The following ALDH1L2 variants were observed in gnomAD, a reference collection of about 807,000 sequenced individuals.
ALDH1L2 encodes the protein mitochondrial 10-formyltetrahydrofolate dehydrogenase.
ALDH1L2 carries 91 observed loss-of-function variants against 111.0 expected under a neutral mutation model. The observed-to-expected ratio is 0.82, with a 90% confidence interval of 0.69 to 0.98. The LOEUF (loss-of-function observed/expected upper bound fraction) is 0.98, where lower values mean the gene tolerates loss of function less well. ALDH1L2 is among the 50% of genes least tolerant of loss of function. The pLI is 0.00. For synonymous variants in ALDH1L2, 374 were observed against 392.6 expected, an observed-to-expected ratio of 0.95 and a Z score of 0.56; for missense variants, 995 against 1,126.8, an observed-to-expected ratio of 0.88 and a Z score of 1.67.
At chr12:105,058,308 G>T in intron 9 of ALDH1L2, 88 bp from the exon 10 acceptor site, 1 of 1,390,506 alleles carries the variant, frequency 7.2e-7, no homozygotes, top group Non-Finnish European at 9.6e-7. Context: ...GTTGTTTTGA[G>T]GTAAGACTTA....
intron 1 of ALDH1L2, among the ~76,000 whole-genome samples, chr12:105,083,246 A>C (rs1219704587): frequency 6.6e-6 from 1 of 152,172 alleles, no homozygotes; most frequent in South Asian, 2.1e-4. Flanking sequence ...TCCATCTGGG[A>C]TCCCATGTGC....
At chr12:105,052,245 C>A in intron 11 of ALDH1L2, 28 bp from the exon 12 acceptor site, 1 of 1,539,294 alleles carries the variant, frequency 6.5e-7, no homozygotes, top group East Asian at 2.3e-5. Flanking sequence ...AAAATAGGCC[C>A]CATGAGAGAT....
At chr12:105,075,981 T>A (rs1330435509) in intron 1 of ALDH1L2, among the ~76,000 whole-genome samples, 8 of 152,168 alleles carry the variant, frequency 5.3e-5, no homozygotes, top group African/African-American at 1.9e-4. Flanking sequence ...AGACAGGGTT[T>A]CACCATGTTG....
In ALDH1L2 at chr12:105,063,074, A is replaced by T. The variant is rs544363052; in HGVS notation, c.787-52T>A. ...TAAAATCAGGAGAAAAGCTGTTCAT[A>T]GCGGTATGTATAAGCATCATTCTCT... On this transcript the variant is annotated intron_variant, in intron 6 of 22. Coordinates refer to ENST00000258494, the MANE Select transcript of ALDH1L2 (RefSeq NM_001034173.4). 1.5e-5 allele frequency: 23 copies of T among 1,585,668 alleles called. No homozygotes were observed. The South Asian group carries it at 2.7e-4, about 18-fold the overall frequency.
Position 105,082,159 on chromosome 12 carries a change from G to A in ALDH1L2, c.48+2230C>T, listed in dbSNP as rs190042429. 2.1e-4 allele frequency among the ~76,000 whole-genome samples: 32 copies of A among 152,330 alleles called. No individual in the cohort carries two copies. The East Asian group carries it at 5.2e-3, about 25-fold the overall frequency. On this transcript the variant is annotated intron_variant, in intron 1 of 22. Coordinates refer to ENST00000258494, the MANE Select transcript of ALDH1L2 (RefSeq NM_001034173.4). ...CAGTGAGTCAAGATTGTGCCACTGC[G>A]TTCCAGCCTGAGTGACAAAGTGAGA...
chr12:105,061,705 G>A lies in ALDH1L2; in HGVS notation c.969C>T (p.Ala323=). The A allele has an allele frequency of 6.2e-7, 1 of 1,614,092 alleles. No homozygotes were observed. Among genetic ancestry groups the A allele is most frequent in the Non-Finnish European group, 8.5e-7 (1 of 1,180,012 alleles). Residue 323 remains alanine, a synonymous_variant, in exon 8 of 23, where the codon GCC becomes GCT. Transcript: ENST00000258494. The stretch of plus-strand genomic sequence containing the variant: ...TCTCACCCGTTGAAAAGTACTGAGA[G>A]GCAGGGATCATTTTTCCATCTTCAA... The part of the protein sequence containing the change: ...LQFEDGKMIP[A]SQYFSTGETS...
At chr12:105,056,573 A>G (rs546089662) in intron 10 of ALDH1L2, among the ~76,000 whole-genome samples, 14 of 152,120 alleles carry the variant, frequency 9.2e-5, no homozygotes, top group African/African-American at 1.2e-4. Flanking sequence ...AGCAATAATT[A>G]TAAAACTGTT....
chr12:105,046,217 ATATATTTTTTTTTTTT>A (rs1875890985), intron 15 of ALDH1L2, among the ~76,000 whole-genome samples: 21 of 32,732 alleles, frequency 6.4e-4, no homozygotes, highest in African/African-American at 2.8e-3. Flanking sequence ...ATATATATAT[ATATATTTTTTTTTTTT>A]TTTTTTTTTT....
At chr12:105,026,796 A>AT in intron 21 of ALDH1L2, 52 bp from the exon 22 acceptor site, 1 of 1,591,232 alleles carries the variant, frequency 6.3e-7, no homozygotes, top group South Asian at 1.1e-5. Flanking sequence ...CAAAAGACTC[A>AT]TTTTATGTTC....
intron 1 of ALDH1L2, among the ~76,000 whole-genome samples, chr12:105,077,309 C>T (rs1247534480): frequency 6.7e-6 from 1 of 149,396 alleles, no homozygotes; most frequent in African/African-American, 2.5e-5. Flanking sequence ...CTCACTGTGT[C>T]ACCTAGGCTT....
At chr12:105,052,286 T>C in intron 11 of ALDH1L2, 69 bp from the exon 12 acceptor site, 1 of 1,415,130 alleles carries the variant, frequency 7.1e-7, no homozygotes, top group Non-Finnish European at 9.4e-7. Context: ...ATTAATATTG[T>C]ATTAATAGAA....
Position 105,026,712 on chromosome 12 carries a change from C to T in ALDH1L2, c.2549G>A (p.Ser850Asn), listed in dbSNP as rs758884486. The T allele has an allele frequency of 6.2e-7, 1 of 1,614,192 alleles. No individual in the cohort carries two copies. The highest frequency in any genetic ancestry group is 1.1e-5 in the South Asian group (1 of 91,086). The change falls in exon 22 of 23, where the codon AGT becomes AAT. Residue 850 changes from serine (S) to asparagine (N), a missense_variant. Physicochemically the swap from Ser to Asn is conservative, Grantham distance 46. Transcript: ENST00000258494. ...CCCTGAGGCCAAACCATACTCTGTA[C>T]TATTTGCTCGCTGCAACACTCCATC... ...DIDGVLQRAN[S>N]TEYGLASGVF...
rs144165759 is a variant in ALDH1L2, at chr12:105,059,500, A to C, written c.1140-1280T>G. Among the ~76,000 whole-genome samples, 970 of 152,238 alleles carry C rather than the reference A, an allele frequency of 6.4e-3. 15 individuals are homozygous for C. The highest frequency in any genetic ancestry group is 0.022 in the African/African-American group (911 of 41,538). ...TGAGGCCCTATCTGTAATAATAATCATCATAATGTAGTATTGAAATATTTA... is the reference window on the plus strand; with the variant it reads ...TGAGGCCCTATCTGTAATAATAATCCTCATAATGTAGTATTGAAATATTTA... On this transcript the variant is annotated intron_variant, in intron 9 of 22. Transcript: ENST00000258494.
At position 105,070,782 on chromosome 12, in the gene ALDH1L2, C is replaced by G; in HGVS notation, c.216G>C (p.Gly72=). 6.2e-7 allele frequency: 1 copy of G among 1,613,364 alleles called. No individual in the cohort carries two copies. Among genetic ancestry groups the G allele is most frequent in the South Asian group, 1.1e-5 (1 of 90,672 alleles). The stretch of plus-strand genomic sequence containing the variant: ...ATTTAGGAAGCTTGAACACAGGGGT[C>G]CCATCTTTCTCTGCAGCCAAAGCTG... ...DPLALAAEKD[G]TPVFKLPKWR... Residue 72 remains glycine (G), a synonymous_variant, in exon 3 of 23, where the codon GGG becomes GGC. Coordinates refer to ENST00000258494, the MANE Select transcript of ALDH1L2 (RefSeq NM_001034173.4).
intron 2 of ALDH1L2, among the ~76,000 whole-genome samples, chr12:105,072,031 A>T (rs900712555): frequency 6.6e-6 from 1 of 151,450 alleles, no homozygotes; most frequent in Non-Finnish European, 1.5e-5. Context: ...GGTTGCAGTA[A>T]GCTATTATCG....
At position 105,026,870 on chromosome 12, in the gene ALDH1L2, G is replaced by T. The variant is rs1874440368; in HGVS notation, c.2517-126C>A. 1.3e-5 allele frequency: 15 copies of T among 1,188,506 alleles called. No individual in the cohort carries two copies. The East Asian group carries it at 2.1e-4, about 17-fold the overall frequency. 73.6% of individuals were successfully genotyped at this position (1,188,506 alleles called of 1,614,324 possible). ...TACTGCCATCTGCTTAAATGTTTTT[G>T]TTGTTGTTGTTTTTTAGAGGCCAGG... On this transcript the variant is annotated intron_variant, in intron 21 of 22. Transcript: ENST00000258494.
chr12:105,034,442 G>C (rs770416799), intron 18 of ALDH1L2, 44 bp from the exon 19 acceptor site: 2 of 1,542,366 alleles, frequency 1.3e-6, no homozygotes, highest in Non-Finnish European at 1.8e-6. Flanking sequence ...CATTTGAGAA[G>C]TCAAGATTCT....
rs1437018479 is a variant in ALDH1L2 at position 105,052,215 on chromosome 12, T to C, written c.1410A>G (p.Thr470=). ...YDTINPTDGS[T]ICKVSYASLA... ...AAGAAGCGTAGGATACTTTGCATATTGTCTATTTCAAGGTAAGTAAAAATA... is the reference window on the plus strand; with the variant it reads ...AAGAAGCGTAGGATACTTTGCATATCGTCTATTTCAAGGTAAGTAAAAATA... Residue 470 remains threonine, a splice_region_variant and synonymous_variant, in exon 12 of 23, where the codon ACA becomes ACG. Transcript: ENST00000258494. The C allele has an allele frequency of 3.1e-6, 5 of 1,598,944 alleles. No individual in the cohort carries two copies. Among genetic ancestry groups the C allele is most frequent in the Admixed American group, 1.8e-5 (1 of 56,738 alleles).
rs530911699 is a variant in ALDH1L2 at position 105,070,841 on chromosome 12, A to G, written c.194-37T>C. On this transcript the variant is annotated intron_variant, in intron 2 of 22. Coordinates refer to ENST00000258494, the MANE Select transcript of ALDH1L2 (RefSeq NM_001034173.4). ...AAAGAAGATTTTTTTTTTAGAAGTTAGCCATAATTTTACATCACTATGAAT... is the reference window on the plus strand; with the variant it reads ...AAAGAAGATTTTTTTTTTAGAAGTTGGCCATAATTTTACATCACTATGAAT... 3.2e-6 allele frequency: 5 copies of G among 1,542,288 alleles called. No homozygotes were observed. The East Asian group carries it at 1.1e-4, about 35-fold the overall frequency.
Sources: allele counts gnomAD v4.1 joint callset (sites outside exome capture counted in the v4.1 genomes callset), GRCh38; gene constraint gnomAD v4.1.1; transcripts MANE v1.5; gene names NCBI Gene and HGNC (gene_info 2026-07-23, HGNC 2026-07-21).